Variants in MYO1D observed in about 807,000 individuals in gnomAD.
MYO1D encodes the protein unconventional myosin-Id.
Under a neutral mutation model 122.0 loss-of-function variants are expected in MYO1D, and 83 were observed. The observed-to-expected ratio is 0.68, with a 90% CI of 0.57 to 0.82. The LOEUF is 0.82. Among genes scored for constraint, MYO1D ranks in the 40% least tolerant of loss-of-function variants. The probability of loss-of-function intolerance (pLI) is 0.00; values close to 1 mark genes in which losing one functional copy is unlikely to be tolerated. For synonymous variants in MYO1D, 464 were observed against 446.9 expected (o/e 1.04, Z -0.48); for missense variants, 1,157 against 1,269.5 (o/e 0.91, Z 1.35).
At chr17:32,744,163 A>G (rs1023256429) in intron 13 of MYO1D, among the ~76,000 whole-genome samples, 1 of 152,088 alleles carries the variant, frequency 6.6e-6, no homozygotes, top group South Asian at 2.1e-4. Flanking sequence ...TTCAGCCACA[A>G]TGGCCTTGCT....
intron 21 of MYO1D, among the ~76,000 whole-genome samples, chr17:32,599,508 AT>A (rs562296303): frequency 1.5e-4 from 23 of 152,276 alleles, no homozygotes; most frequent in African/African-American, 5.5e-4. Flanking sequence ...TAGTGTTAAT[AT>A]TTTGACCTCC....
intron 20 of MYO1D, among the ~76,000 whole-genome samples, chr17:32,609,660 T>C (rs912188635): frequency 6.6e-6 from 1 of 152,170 alleles, no homozygotes; most frequent in East Asian, 1.9e-4. Flanking sequence ...GTATCATGTA[T>C]AAATGAACAT....
chr17:32,721,233 T>C (rs1375852557), intron 14 of MYO1D, 44 bp from the exon 15 acceptor site: 7 of 1,588,010 alleles, frequency 4.4e-6, no homozygotes, highest in Non-Finnish European at 6.0e-6. Flanking sequence ...CTGGAGAAAA[T>C]TTCCCAGCTA....
chr17:32,637,105 A>T (rs2088111301), intron 20 of MYO1D, among the ~76,000 whole-genome samples: 2 of 152,234 alleles, frequency 1.3e-5, no homozygotes, highest in African/African-American at 2.4e-5. Flanking sequence ...TGAATAAGGG[A>T]AAACAGCTTC....
chr17:32,853,963 C>G (rs529795035), intron 1 of MYO1D, among the ~76,000 whole-genome samples: 1 of 152,268 alleles, frequency 6.6e-6, no homozygotes, highest in East Asian at 1.9e-4. Flanking sequence ...TTAGAATCTT[C>G]CCCCAACCTC....
chr17:32,729,019 C>T (rs1054895041), intron 14 of MYO1D, among the ~76,000 whole-genome samples: 40 of 152,192 alleles, frequency 2.6e-4, no homozygotes, highest in African/African-American at 9.4e-4. Flanking sequence ...TTTATAAATG[C>T]TGCCTCCTCT....
intron 21 of MYO1D, among the ~76,000 whole-genome samples, chr17:32,598,465 G>T (rs1425218653): frequency 6.6e-6 from 1 of 152,202 alleles, no homozygotes; most frequent in African/African-American, 2.4e-5. Flanking sequence ...TGGAATTTTT[G>T]ATTTGTGGAA....
intron 10 of MYO1D, among the ~76,000 whole-genome samples, chr17:32,758,594 G>T (rs369484958): frequency 6.6e-6 from 1 of 152,284 alleles, no homozygotes; most frequent in East Asian, 1.9e-4. Flanking sequence ...GGTGGGTATA[G>T]TACAGATGGC....
intron 1 of MYO1D, among the ~76,000 whole-genome samples, chr17:32,806,006 C>T (rs1426013176): frequency 1.3e-5 from 2 of 152,174 alleles, no homozygotes; most frequent in African/African-American, 4.8e-5. Flanking sequence ...CGCCTGTAAT[C>T]CCAGCACTTT....
At chr17:32,759,910 G>A (rs1427192233) in intron 10 of MYO1D, 2 of 522,958 alleles carry the variant, frequency 3.8e-6, no homozygotes, top group Admixed American at 3.5e-5. Context: ...AAGTAGAAGA[G>A]GAGAAAAAGG....
intron 1 of MYO1D, among the ~76,000 whole-genome samples, chr17:32,850,205 T>A (rs2090974178): frequency 6.6e-6 from 1 of 152,224 alleles, no homozygotes; most frequent in African/African-American, 2.4e-5. Context: ...GCTCTTTACA[T>A]CCTTTAAAAC....
At chr17:32,500,901 C>T (rs1380147140) in intron 21 of MYO1D, among the ~76,000 whole-genome samples, 7 of 151,292 alleles carry the variant, frequency 4.6e-5, no homozygotes, top group South Asian at 2.1e-4. Context: ...CCCAGCTACT[C>T]GGGAGGCTGA....
At chr17:32,502,167 T>G (rs1909337495) in intron 21 of MYO1D, among the ~76,000 whole-genome samples, 1 of 152,168 alleles carries the variant, frequency 6.6e-6, no homozygotes, top group African/African-American at 2.4e-5. Context: ...TGTGCATCAG[T>G]GGATGAATGA....
At chr17:32,572,057 C>A (rs1319358284) in intron 21 of MYO1D, among the ~76,000 whole-genome samples, 2 of 152,062 alleles carry the variant, frequency 1.3e-5, no homozygotes, top group Admixed American at 6.5e-5. Flanking sequence ...TCACTAATAA[C>A]CCCTGCTCTC....
At position 32,494,478 on chromosome 17, in the gene MYO1D, C is replaced by T; in HGVS notation, c.*281G>A. On this transcript the variant is annotated 3_prime_UTR_variant, in exon 22 of 22. Transcript: ENST00000318217. ...GGGCATCCGCACCAACTAAAGGCAC[C>T]ATCCAGTTGCCTCTGGGGTGAGATT... 2 of 433,768 alleles carry T rather than the reference C, an allele frequency of 4.6e-6. No individual in the cohort carries two copies. 26.9% of individuals were successfully genotyped at this position (433,768 alleles called of 1,614,324 possible).
chr17:32,525,246 C>A (rs1400908121), intron 21 of MYO1D, among the ~76,000 whole-genome samples: 1 of 152,256 alleles, frequency 6.6e-6, no homozygotes, highest in African/African-American at 2.4e-5. Context: ...AACCTCCCCT[C>A]TCTCCTTCCC....
intron 21 of MYO1D, among the ~76,000 whole-genome samples, chr17:32,549,550 C>T (rs2086992926): frequency 6.6e-6 from 1 of 152,168 alleles, no homozygotes; most frequent in South Asian, 2.1e-4. Context: ...AATGTCACTT[C>T]TGTTTGTGGG....
chr17:32,701,864 G>A (rs2089252846), intron 16 of MYO1D, among the ~76,000 whole-genome samples: 1 of 152,184 alleles, frequency 6.6e-6, no homozygotes, highest in African/African-American at 2.4e-5. Context: ...CCCATGCCCT[G>A]CCAAAGTACA....
At chr17:32,850,131 CT>C (rs528257889) in intron 1 of MYO1D, among the ~76,000 whole-genome samples, 231 of 151,910 alleles carry the variant, frequency 1.5e-3, no homozygotes, top group African/African-American at 5.2e-3. Flanking sequence ...TGGGAAATAA[CT>C]TTTTTTTTCC....
Sources: allele counts gnomAD v4.1 joint callset (sites outside exome capture counted in the v4.1 genomes callset), GRCh38; gene constraint gnomAD v4.1.1; transcripts MANE v1.5; gene names NCBI Gene and HGNC (gene_info 2026-07-23, HGNC 2026-07-21).